Variants in DIP2C observed in about 807,000 individuals in gnomAD.
The protein encoded by DIP2C is DIP2 acetate--CoA ligase C (putative).
Under a neutral mutation model 192.4 loss-of-function variants are expected in DIP2C, and 33 were observed. That is an observed-to-expected ratio of 0.17 (90% confidence interval 0.13 to 0.23). DIP2C has a LOEUF of 0.23. DIP2C is among the 10% of genes least tolerant of loss of function. The probability of loss-of-function intolerance (pLI) is 1.00; values close to 1 mark genes in which losing one functional copy is unlikely to be tolerated. For synonymous variants in DIP2C, 979 were observed against 864.1 expected (o/e 1.13, Z -2.33); for missense variants, 1,537 against 2,110.1 (o/e 0.73, Z 5.32).
chr10:399,256 G>C, intron 9 of DIP2C, 37 bp from the exon 10 acceptor site: 2 of 1,569,946 alleles, frequency 1.3e-6, no homozygotes, highest in Middle Eastern at 1.7e-4. Flanking sequence ...CATTAACGTG[G>C]GGTCCTGGCT....
chr10:393,837 AAAAC>A (rs913331055), intron 10 of DIP2C, among the ~76,000 whole-genome samples: 3 of 151,344 alleles, frequency 2.0e-5, no homozygotes, highest in Admixed American at 1.3e-4. Context: ...AAAAAAAAAA[AAAAC>A]AACCCACAAG....
chr10:588,790 C>T (rs1851238058), intron 1 of DIP2C, among the ~76,000 whole-genome samples: 1 of 152,234 alleles, frequency 6.6e-6, no homozygotes. Context: ...TCACCCCAGC[C>T]ACTGACAAGA....
intron 1 of DIP2C, among the ~76,000 whole-genome samples, chr10:545,875 T>G (rs1025299208): frequency 1.3e-5 from 2 of 152,172 alleles, no homozygotes; most frequent in Non-Finnish European, 2.9e-5. Flanking sequence ...ATCAACAGAT[T>G]AGAAGGTACA....
intron 1 of DIP2C, among the ~76,000 whole-genome samples, chr10:551,485 G>GAA (rs543018438): frequency 6.8e-5 from 10 of 146,724 alleles, no homozygotes; most frequent in Non-Finnish European, 1.3e-4. Flanking sequence ...AAAGCAGCTG[G>GAA]AAGCAGGATC....
At chr10:506,282 G>A (rs903137133) in intron 1 of DIP2C, among the ~76,000 whole-genome samples, 6 of 152,136 alleles carry the variant, frequency 3.9e-5, no homozygotes, top group Non-Finnish European at 7.3e-5. Flanking sequence ...GCATCCAAAT[G>A]TGCATAAGAT....
chr10:372,547 A>G (rs1201257591), intron 17 of DIP2C, among the ~76,000 whole-genome samples: 1 of 152,234 alleles, frequency 6.6e-6, no homozygotes, highest in African/African-American at 2.4e-5. Flanking sequence ...GTTAACCTTC[A>G]TTAATTTAAC....
At chr10:364,301 T>C in intron 20 of DIP2C, 73 bp downstream of exon 20, 1 of 1,524,228 alleles carries the variant, frequency 6.6e-7, no homozygotes, top group Non-Finnish European at 8.9e-7. Context: ...TGTGCAACTT[T>C]CAACCCTTCA....
intron 1 of DIP2C, among the ~76,000 whole-genome samples, chr10:572,191 T>C (rs1331970125): frequency 1.3e-5 from 2 of 152,216 alleles, no homozygotes; most frequent in African/African-American, 4.8e-5. Context: ...CACACGCCAG[T>C]GTTCTAAGGA....
At chr10:580,829 G>T (rs77087081) in intron 1 of DIP2C, among the ~76,000 whole-genome samples, 1 of 152,272 alleles carries the variant, frequency 6.6e-6, no homozygotes, top group Admixed American at 6.5e-5. Context: ...TGAGAAGGGC[G>T]CAACCACTTT....
chr10:436,280 T>C (rs924695392), intron 4 of DIP2C, among the ~76,000 whole-genome samples: 1 of 152,250 alleles, frequency 6.6e-6, no homozygotes, highest in Non-Finnish European at 1.5e-5. Context: ...GGGTAACGTG[T>C]TGAGCACGCT....
chr10:279,873 G>A (rs186107956), intron 36 of DIP2C, among the ~76,000 whole-genome samples: 45 of 152,214 alleles, frequency 3.0e-4, no homozygotes, highest in African/African-American at 1.7e-4. Context: ...GGGCACCAGC[G>A]AGGCCCTCGA....
Position 414,014 on chromosome 10 carries a change from G to A in DIP2C, c.956C>T (p.Ser319Leu). Reference sequence around the variant, plus strand: ...CCACCTCTGCAGTGCGGCCTCCAGCGACGGCGGCCAGTTCGTGACCACGCC... The same window carrying A: ...CCACCTCTGCAGTGCGGCCTCCAGCAACGGCGGCCAGTTCGTGACCACGCC... ...QLGVVTNWPP[S>L]LEAALQRWGT... Residue 319 changes from serine to leucine, a missense_variant, in exon 8 of 37, where the codon TCG (serine) becomes TTG (leucine). Ser to Leu is a moderately radical substitution (Grantham distance 145). Around this residue, in one of 4 missense-constraint regions of DIP2C, gnomAD observed 473 missense variants for 539.6 expected, o/e 0.88. Coordinates refer to ENST00000280886, the MANE Select transcript of DIP2C (RefSeq NM_014974.3). 1 of 1,614,128 alleles carries A rather than the reference G, an allele frequency of 6.2e-7. No individual in the cohort carries two copies. Among genetic ancestry groups the A allele is most frequent in the Non-Finnish European group, 8.5e-7 (1 of 1,180,008 alleles).
At chr10:487,606 C>G (rs1378181937) in intron 1 of DIP2C, among the ~76,000 whole-genome samples, 6 of 115,744 alleles carry the variant, frequency 5.2e-5, no homozygotes, top group Non-Finnish European at 9.9e-5. Flanking sequence ...TTGAGACAGT[C>G]TCTCTCTGTC....
At chr10:619,828 T>A (rs934430341) in intron 1 of DIP2C, among the ~76,000 whole-genome samples, 6 of 151,958 alleles carry the variant, frequency 3.9e-5, no homozygotes, top group African/African-American at 1.5e-4. Flanking sequence ...AAATGGCAGC[T>A]CCCGTGTTGG....
intron 1 of DIP2C, among the ~76,000 whole-genome samples, chr10:595,911 C>G (rs1220427496): frequency 3.3e-5 from 5 of 152,224 alleles, no homozygotes; most frequent in African/African-American, 1.2e-4. Flanking sequence ...AACAAACTAA[C>G]TGTTCTGATT....
At chr10:460,320 C>G (rs527847672) in intron 3 of DIP2C, among the ~76,000 whole-genome samples, 1 of 152,180 alleles carries the variant, frequency 6.6e-6, no homozygotes, top group South Asian at 2.1e-4. Context: ...TGCTTAAAAT[C>G]GACTCCAATA....
At chr10:383,027 T>G (rs1962518309) in intron 16 of DIP2C, among the ~76,000 whole-genome samples, 2 of 152,230 alleles carry the variant, frequency 1.3e-5, no homozygotes, top group Non-Finnish European at 2.9e-5. Flanking sequence ...CTGAGACTTG[T>G]TCCACCATTT....
intron 1 of DIP2C, among the ~76,000 whole-genome samples, chr10:566,922 C>T (rs1849497717): frequency 6.6e-6 from 1 of 152,226 alleles, no homozygotes; most frequent in Admixed American, 6.5e-5. Flanking sequence ...ATTCCATACA[C>T]CATCAAATGC....
intron 1 of DIP2C, among the ~76,000 whole-genome samples, chr10:625,503 CTACGGGGAGCCTGCCCT>C (rs1036160358): frequency 6.6e-5 from 10 of 152,274 alleles, no homozygotes; most frequent in Non-Finnish European, 1.2e-4. Flanking sequence ...GCAGGCTCCC[CTACGGGGAGCCTGCCCT>C]GTGGCCTCGG....
Sources: gnomAD v4.1 joint callset for allele counts (sites outside exome capture counted in the v4.1 genomes callset) on GRCh38, gnomAD v4.1.1 for gene constraint, gnomAD v4.1.1 regional missense constraint, MANE v1.5 for transcripts, NCBI Gene and HGNC (gene_info 2026-07-23, HGNC 2026-07-21) for gene names.